Variants in SLC25A24 observed in about 807,000 individuals in gnomAD.
The protein encoded by SLC25A24 is solute carrier family 25 member 24.
In SLC25A24, 49 loss-of-function variants were observed where a neutral mutation model predicts 60.7. The observed-to-expected ratio is 0.81, with a 90% CI of 0.64 to 1.02. The LOEUF (loss-of-function observed/expected upper bound fraction) is 1.02, where lower values mean the gene tolerates loss of function less well. SLC25A24 is among the 50% of genes least tolerant of loss of function. The probability of loss-of-function intolerance (pLI) is 0.00; values close to 1 mark genes in which losing one functional copy is unlikely to be tolerated. For synonymous variants in SLC25A24, 202 were observed against 200.6 expected, an observed-to-expected ratio of 1.01 and a Z score of -0.06; for missense variants, 564 against 586.3, an observed-to-expected ratio of 0.96 and a Z score of 0.39.
At chr1:108,178,994 A>G (rs1208690348) in intron 3 of SLC25A24, among the ~76,000 whole-genome samples, 4 of 152,138 alleles carry the variant, frequency 2.6e-5, no homozygotes, top group Non-Finnish European at 5.9e-5. Context: ...CCCATGGAAC[A>G]CAGTAAAAGC....
intron 3 of SLC25A24, among the ~76,000 whole-genome samples, chr1:108,171,135 T>C (rs1038776097): frequency 6.6e-6 from 1 of 152,204 alleles, no homozygotes; most frequent in Non-Finnish European, 1.5e-5. Context: ...CTTATGTTTA[T>C]GTATTTATTT....
At chr1:108,197,301 A>G (rs1648524886) in intron 1 of SLC25A24, among the ~76,000 whole-genome samples, 1 of 152,222 alleles carries the variant, frequency 6.6e-6, no homozygotes, top group Non-Finnish European at 1.5e-5. Context: ...TTAAACAGAA[A>G]TTTGTTCTCT....
At chr1:108,183,557 G>A (rs1186838619) in intron 2 of SLC25A24, among the ~76,000 whole-genome samples, 9 of 152,098 alleles carry the variant, frequency 5.9e-5, no homozygotes, top group Non-Finnish European at 1.3e-4. Context: ...GTCTGTTTCT[G>A]TTTGAACGCA....
intron 7 of SLC25A24, among the ~76,000 whole-genome samples, chr1:108,147,941 C>T (rs1679651679): frequency 6.6e-6 from 1 of 152,128 alleles, no homozygotes; most frequent in South Asian, 2.1e-4. Context: ...GGGAAGCCAG[C>T]TACTGTGTTT....
intron 8 of SLC25A24, among the ~76,000 whole-genome samples, chr1:108,143,306 A>G (rs982699288): frequency 6.6e-6 from 1 of 152,180 alleles, no homozygotes; most frequent in African/African-American, 2.4e-5. Flanking sequence ...AAGGTGAACA[A>G]CTATACCTAA....
At chr1:108,155,954 C>CAT (rs767697786) in intron 5 of SLC25A24, among the ~76,000 whole-genome samples, 4 of 60,682 alleles carry the variant, frequency 6.6e-5, no homozygotes, top group African/African-American at 3.4e-4. Flanking sequence ...CCACTAAACA[C>CAT]ACACACACAC....
chr1:108,156,074 G>A (rs1170739390), intron 5 of SLC25A24, among the ~76,000 whole-genome samples: 3 of 152,182 alleles, frequency 2.0e-5, no homozygotes, highest in African/African-American at 7.2e-5. Context: ...AGGCTCAGGT[G>A]AGCTTCCCTG....
chr1:108,151,101 T>C (rs948188475), intron 6 of SLC25A24, among the ~76,000 whole-genome samples: 13 of 152,096 alleles, frequency 8.5e-5, no homozygotes, highest in Admixed American at 2.6e-4. Context: ...CTCAGGAGGT[T>C]GAGGCAGAAG....
At chr1:108,146,084 T>C (rs1679580899) in intron 7 of SLC25A24, among the ~76,000 whole-genome samples, 3 of 152,220 alleles carry the variant, frequency 2.0e-5, no homozygotes, top group African/African-American at 7.2e-5. Context: ...TCCTCTCTTA[T>C]TTCCTTGAGG....
chr1:108,179,488 G>A (rs945550681), intron 3 of SLC25A24, among the ~76,000 whole-genome samples: 69 of 152,048 alleles, frequency 4.5e-4, no homozygotes, highest in African/African-American at 1.6e-3. Context: ...CACTATTCAC[G>A]ATAGCCAAGA....
At chr1:108,160,088 C>T (rs527609755) in intron 4 of SLC25A24, among the ~76,000 whole-genome samples, 223 of 148,856 alleles carry the variant, frequency 1.5e-3, no homozygotes, top group African/African-American at 5.3e-3. Flanking sequence ...GCTGGCCGGG[C>T]GGGGGGCTGA....
At position 108,139,172 on chromosome 1, in the gene SLC25A24, CTT is replaced by C. The variant is rs766831933; in HGVS notation, c.1133_1134del (p.Lys378ArgfsTer88). ...ACCATGACTCCAGGGTTTACAGAATCTTTTGCAAAATTATCCAGCCAATAGGA... is the reference window on the plus strand; with the variant it reads ...ACCATGACTCCAGGGTTTACAGAATCTTGCAAAATTATCCAGCCAATAGGA... The part of the protein sequence containing the change: ...LKSYWLDNFA[K>X]DSVNPGVMVL... On this transcript the variant is annotated frameshift_variant, in exon 9 of 10. Coordinates refer to ENST00000565488, the MANE Select transcript of SLC25A24 (RefSeq NM_013386.5). LOFTEE classifies it high-confidence loss of function. The C allele has an allele frequency of 2.5e-6, 4 of 1,608,556 alleles. No individual in the cohort carries two copies. Among genetic ancestry groups the C allele is most frequent in the Non-Finnish European group, 3.4e-6 (4 of 1,177,564 alleles).
In SLC25A24 at chr1:108,200,310, G is replaced by A. The variant is rs990714582; in HGVS notation, c.-172C>T. ...GCAGGGCGCAGGGCGCAGGAGCGGA[G>A]ACCCCACCCGAGCCCGCGCGGAGCG... On this transcript the variant is annotated 5_prime_UTR_variant, in exon 1 of 10. Transcript: ENST00000565488. The A allele has an allele frequency of 5.6e-5, 25 of 449,840 alleles. No individual in the cohort carries two copies. In the South Asian group the frequency reaches 2.5e-3, roughly 44 times the overall value. The allele number at this position is 449,840 out of a possible 1,614,324, so 27.9% of individuals were successfully genotyped here.
intron 1 of SLC25A24, chr1:108,192,874 C>A: frequency 1.2e-6 from 1 of 834,928 alleles, no homozygotes; most frequent in Non-Finnish European, 1.5e-6. Flanking sequence ...GCACTCTGGG[C>A]TGCGCTGGGA....
chr1:108,142,477 C>T (rs1439543225), intron 8 of SLC25A24, among the ~76,000 whole-genome samples: 3 of 152,168 alleles, frequency 2.0e-5, no homozygotes, highest in African/African-American at 4.8e-5. Flanking sequence ...ACAACATGAA[C>T]AAACCTTAGA....
At chr1:108,192,722 G>GA in intron 1 of SLC25A24, 1 of 1,424,610 alleles carries the variant, frequency 7.0e-7, no homozygotes, top group Non-Finnish European at 9.3e-7. Flanking sequence ...CGTCCAGTGG[G>GA]AAGAGGCCTA....
chr1:108,177,620 G>A (rs545593), intron 3 of SLC25A24, among the ~76,000 whole-genome samples: 117,609 of 152,084 alleles, frequency 0.77, 45,961 homozygotes, highest in African/African-American at 0.89. Context: ...AACTTTACTT[G>A]TATCATATAA....
intron 1 of SLC25A24, among the ~76,000 whole-genome samples, chr1:108,186,344 G>A (rs1029115126): frequency 1.3e-5 from 2 of 152,040 alleles, no homozygotes; most frequent in Admixed American, 6.6e-5. Context: ...ATCACTTGAG[G>A]TCAGGATTCA....
chr1:108,144,404 A>G (rs2101600521), intron 7 of SLC25A24, among the ~76,000 whole-genome samples: 1 of 152,126 alleles, frequency 6.6e-6, no homozygotes, highest in Non-Finnish European at 1.5e-5. Context: ...TCGGTTGTAT[A>G]TTACTTTTCT....
Sources: allele counts gnomAD v4.1 joint callset (sites outside exome capture counted in the v4.1 genomes callset), GRCh38; gene constraint gnomAD v4.1.1; transcripts MANE v1.5; gene names NCBI Gene and HGNC (gene_info 2026-07-23, HGNC 2026-07-21).